Variants in KCNN2 observed in about 807,000 individuals in gnomAD.
KCNN2 encodes potassium calcium-activated channel subfamily N member 2, also known as small conductance calcium-activated potassium channel protein 2.
In KCNN2, 24 loss-of-function variants were observed where a neutral mutation model predicts 55.5. The observed-to-expected ratio is 0.43, with a 90% CI of 0.31 to 0.61. The LOEUF is 0.61. KCNN2 is among the 20% of genes least tolerant of loss of function. The pLI, the probability that KCNN2 is intolerant of heterozygous loss-of-function variation, is 0.08. For synonymous variants in KCNN2, 431 were observed against 336.1 expected, an observed-to-expected ratio of 1.28 and a Z score of -3.09; for missense variants, 754 against 853.6, an observed-to-expected ratio of 0.88 and a Z score of 1.45.
chr5:114,278,591 C>T (rs1755543145), intron 2 of KCNN2, among the ~76,000 whole-genome samples: 1 of 152,256 alleles, frequency 6.6e-6, no homozygotes, highest in Non-Finnish European at 1.5e-5. Context: ...CGCCCCTTCC[C>T]CACCTTGCTC....
At chr5:114,211,573 G>C (rs1191264094) in intron 1 of KCNN2, among the ~76,000 whole-genome samples, 1 of 152,010 alleles carries the variant, frequency 6.6e-6, no homozygotes, top group Non-Finnish European at 1.5e-5. Flanking sequence ...GGAGGAGGGT[G>C]GGAGAAGGAA....
At chr5:114,470,889 G>A (rs2150122558) in intron 4 of KCNN2, among the ~76,000 whole-genome samples, 1 of 152,270 alleles carries the variant, frequency 6.6e-6, no homozygotes, top group Non-Finnish European at 1.5e-5. Flanking sequence ...TTTTATCCCT[G>A]GAGATGAAGA....
chr5:114,276,735 A>G (rs1240860566), intron 2 of KCNN2, among the ~76,000 whole-genome samples: 2 of 144,516 alleles, frequency 1.4e-5, no homozygotes, highest in African/African-American at 5.2e-5. Flanking sequence ...TGTGTCTTGC[A>G]CATGAGATGG....
intron 1 of KCNN2, among the ~76,000 whole-genome samples, chr5:114,094,315 C>T (rs1158115): frequency 0.42 from 63,594 of 151,682 alleles, 13,729 homozygotes; most frequent in East Asian, 0.65. Context: ...CACACTTACC[C>T]CACCAGACCT....
chr5:114,256,417 A>G (rs1410033949), intron 2 of KCNN2, among the ~76,000 whole-genome samples: 1 of 152,158 alleles, frequency 6.6e-6, no homozygotes. Context: ...GCTGGATTGA[A>G]TGGTAGCTCT....
At chr5:114,491,503 CTTT>C (rs1160037069) in intron 6 of KCNN2, among the ~76,000 whole-genome samples, 3 of 93,576 alleles carry the variant, frequency 3.2e-5, no homozygotes, top group African/African-American at 1.3e-4. Context: ...TGAGATTCTG[CTTT>C]TTCTTTTTTT....
At chr5:114,097,363 A>T (rs1366503793) in intron 1 of KCNN2, among the ~76,000 whole-genome samples, 1 of 152,160 alleles carries the variant, frequency 6.6e-6, no homozygotes, top group African/African-American at 2.4e-5. Context: ...CTGTTGTAAT[A>T]CCTGTGCAAA....
Position 114,254,212 on chromosome 5 carries a change from C to T in KCNN2, c.-185+32647C>T, listed in dbSNP as rs114458482. On this transcript the variant is annotated intron_variant, in intron 2 of 10. Coordinates refer to the KCNN2 transcript ENST00000512097. Reference sequence around the variant, plus strand: ...GGCTCTGTATTAATGAAAAACAATACGAAAAGATAGAAAATATAAAAATAC... The same window carrying T: ...GGCTCTGTATTAATGAAAAACAATATGAAAAGATAGAAAATATAAAAATAC... Among the ~76,000 whole-genome samples the T allele has an allele frequency of 8.0e-3, 1,210 of 151,614 alleles. 21 individuals carry two copies. Among genetic ancestry groups the T allele is most frequent in the African/African-American group, 0.025 (1,032 of 41,294 alleles).
intron 4 of KCNN2, among the ~76,000 whole-genome samples, chr5:114,467,141 A>T (rs1561402139): frequency 1.3e-5 from 2 of 152,196 alleles, no homozygotes; most frequent in Non-Finnish European, 2.9e-5. Flanking sequence ...TTAAACAAAC[A>T]GTTTGCATCC....
At chr5:114,216,333 A>C (rs1446113429) in intron 1 of KCNN2, among the ~76,000 whole-genome samples, 1 of 152,196 alleles carries the variant, frequency 6.6e-6, no homozygotes, top group East Asian at 1.9e-4. Flanking sequence ...GCAATCAGTG[A>C]CAGCTATGGA....
intron 1 of KCNN2, among the ~76,000 whole-genome samples, chr5:114,145,034 C>T (rs1561494061): frequency 6.6e-6 from 1 of 152,192 alleles, no homozygotes; most frequent in East Asian, 1.9e-4. Context: ...CCCAAACTCT[C>T]ATACCAGTCA....
intron 2 of KCNN2, among the ~76,000 whole-genome samples, chr5:114,287,319 T>A (rs1237077440): frequency 1.3e-5 from 2 of 152,152 alleles, no homozygotes; most frequent in African/African-American, 4.8e-5. Flanking sequence ...TATAGCACTA[T>A]TTACAATAGC....
chr5:114,189,975 A>G (rs746428947), intron 1 of KCNN2, among the ~76,000 whole-genome samples: 1 of 152,206 alleles, frequency 6.6e-6, no homozygotes, highest in Non-Finnish European at 1.5e-5. Context: ...TCAAAAGTTA[A>G]CAAAAGAAAA....
chr5:114,118,960 C>T (rs1189847882), intron 1 of KCNN2, among the ~76,000 whole-genome samples: 1 of 152,074 alleles, frequency 6.6e-6, no homozygotes, highest in Non-Finnish European at 1.5e-5. Context: ...GCCTTGATCC[C>T]AGTGCCACAG....
chr5:114,478,019 A>C (rs529302558), intron 5 of KCNN2, among the ~76,000 whole-genome samples: 17 of 152,316 alleles, frequency 1.1e-4, no homozygotes, highest in African/African-American at 3.8e-4. Context: ...ATTAAAATGA[A>C]TCACTTGGCT....
At chr5:114,236,949 C>T (rs559584018) in intron 2 of KCNN2, among the ~76,000 whole-genome samples, 9 of 152,094 alleles carry the variant, frequency 5.9e-5, no homozygotes, top group African/African-American at 1.2e-4. Flanking sequence ...ATGTAACTTT[C>T]GGTAAAATAT....
intron 6 of KCNN2, 122 bp downstream of exon 6, chr5:114,487,299 A>T (rs112862959): frequency 1.2e-6 from 1 of 852,600 alleles, no homozygotes; most frequent in Non-Finnish European, 1.8e-6. Flanking sequence ...TTCCCAGAAG[A>T]TGTTATCTGG....
chr5:114,160,749 C>A (rs1752756051), intron 1 of KCNN2, among the ~76,000 whole-genome samples: 1 of 152,122 alleles, frequency 6.6e-6, no homozygotes. Context: ...ATCCCTTTAC[C>A]ATTATGTAAT....
chr5:114,172,422 C>T (rs1343050996), intron 1 of KCNN2, among the ~76,000 whole-genome samples: 8 of 151,682 alleles, frequency 5.3e-5, no homozygotes, highest in Non-Finnish European at 7.4e-5. Context: ...TACCAACTTA[C>T]GTATTTTCTC....
Sources: allele counts gnomAD v4.1 joint callset (sites outside exome capture counted in the v4.1 genomes callset), GRCh38; gene constraint gnomAD v4.1.1; transcripts MANE v1.5; gene names NCBI Gene and HGNC (gene_info 2026-07-23, HGNC 2026-07-21).